Variants in GRIN2B observed in about 807,000 individuals in gnomAD.
The protein encoded by GRIN2B is glutamate ionotropic receptor NMDA type subunit 2B, also known as glutamate receptor ionotropic, NMDA 2B.
Under a neutral mutation model 114.5 loss-of-function variants are expected in GRIN2B, and 5 were observed. The observed-to-expected ratio is 0.04, with a 90% CI of 0.02 to 0.09. The LOEUF is 0.09. Ranked by LOEUF, GRIN2B falls within the 10% of genes least tolerant of loss-of-function variation. The pLI is 1.00. For synonymous variants in GRIN2B, 787 were observed against 745.1 expected (o/e 1.06, Z -0.92); for missense variants, 1,108 against 1,943.5 (o/e 0.57, Z 8.08).
At chr12:13,794,484 C>G (rs563063114) in intron 3 of GRIN2B, among the ~76,000 whole-genome samples, 1 of 152,278 alleles carries the variant, frequency 6.6e-6, no homozygotes, top group South Asian at 2.1e-4. Flanking sequence ...ACTTCCATTA[C>G]TGTGAACCAC....
chr12:13,864,252 C>T lies in GRIN2B; in HGVS notation c.411+1546G>A, dbSNP rs894948705. Among the ~76,000 whole-genome samples the T allele has an allele frequency of 2.0e-5, 3 of 152,336 alleles. No homozygotes were observed. The East Asian group carries it at 5.8e-4, about 29-fold the overall frequency. Reference sequence around the variant, plus strand: ...GGGAAGCTCTGAAGCAGAAGCTAGTCATCTCTGCCTGCTGCCGACAGGTGG... The same window carrying T: ...GGGAAGCTCTGAAGCAGAAGCTAGTTATCTCTGCCTGCTGCCGACAGGTGG... On this transcript the variant is annotated intron_variant, in intron 3 of 13. Coordinates refer to ENST00000609686, the MANE Select transcript of GRIN2B (RefSeq NM_000834.5).
In GRIN2B at chr12:13,866,246, G is replaced by T. The variant is rs1865827333; in HGVS notation, c.-18-20C>A. The T allele has an allele frequency of 2.5e-6, 4 of 1,596,598 alleles. No homozygotes were observed. Among genetic ancestry groups the T allele is most frequent in the Non-Finnish European group, 3.4e-6 (4 of 1,176,476 alleles). ...GACTCCCTGCAAACACAAAGAAAGA[G>T]CATGTTAAAATAGGATCTACATCAC... On this transcript the variant is annotated intron_variant, in intron 2 of 13. Coordinates refer to ENST00000609686, the MANE Select transcript of GRIN2B (RefSeq NM_000834.5).
chr12:13,789,073 TTG>T (rs1212519784), intron 3 of GRIN2B, among the ~76,000 whole-genome samples: 3 of 109,546 alleles, frequency 2.7e-5, no homozygotes, highest in Non-Finnish European at 6.7e-5. Flanking sequence ...GTCCTGGTTG[TTG>T]TTTTTTTTCC....
rs67570541 is a variant in GRIN2B, at chr12:13,694,656, CATATATATATATATATATATAT to C, written c.1011-18819_1011-18798del. ...CCCAGTCTATTGTGCAAGAAAATGT[CATATATATATATATATATATAT>C]ATATATATATATATATATATATATA... On this transcript the variant is annotated intron_variant, in intron 4 of 13. Transcript: ENST00000609686. Among the ~76,000 whole-genome samples, 144 of 71,342 alleles carry C rather than the reference CATATATATATATATATATATAT, an allele frequency of 2.0e-3. 3 individuals are homozygous for C. Among genetic ancestry groups the C allele is most frequent in the Admixed American group, 5.5e-3 (33 of 5,946 alleles). The allele number at this position is 71,342 out of a possible 152,430, so 46.8% of individuals were successfully genotyped here. A position where few individuals can be genotyped will look rare whatever the true frequency, so the allele number is the denominator to read the frequency against.
chr12:13,938,748 A>G (rs1030767392), intron 2 of GRIN2B, among the ~76,000 whole-genome samples: 1 of 152,204 alleles, frequency 6.6e-6, no homozygotes, highest in African/African-American at 2.4e-5. Context: ...AACTGACTGC[A>G]AAAGGGCACA....
rs1948228658 is a variant in GRIN2B at position 13,537,638 on chromosome 12, T to A, written c.*25145A>T. 6.6e-6 allele frequency: 1 copy of A among 152,186 alleles called. No homozygotes were observed. The highest frequency in any genetic ancestry group is 2.1e-4 in the South Asian group (1 of 4,836). 9.4% of individuals were successfully genotyped at this position (152,186 alleles called of 1,614,324 possible). On this transcript the variant is annotated 3_prime_UTR_variant, in exon 14 of 14. Transcript: ENST00000609686. ...AAATAGGAGGCCCGCTTTCCCCAGATGCACATACATAGTGGTTCACATTCT... is the reference window on the plus strand; with the variant it reads ...AAATAGGAGGCCCGCTTTCCCCAGAAGCACATACATAGTGGTTCACATTCT...
chr12:13,779,844 A>T (rs1864074677), intron 3 of GRIN2B, among the ~76,000 whole-genome samples: 3 of 152,176 alleles, frequency 2.0e-5, no homozygotes, highest in Admixed American at 2.0e-4. Flanking sequence ...CAGTTGCCCC[A>T]TCTGTCAAAC....
At chr12:13,693,083 G>A (rs1950229112) in intron 4 of GRIN2B, among the ~76,000 whole-genome samples, 1 of 152,016 alleles carries the variant, frequency 6.6e-6, no homozygotes, top group African/African-American at 2.4e-5. Context: ...TCTTTCTTAA[G>A]TATACATATA....
At chr12:13,839,898 A>T (rs925322122) in intron 3 of GRIN2B, among the ~76,000 whole-genome samples, 1 of 152,088 alleles carries the variant, frequency 6.6e-6, no homozygotes, top group Non-Finnish European at 1.5e-5. Context: ...TTCAATGGAC[A>T]TAAAAAAATC....
At chr12:13,783,098 A>C (rs559658560) in intron 3 of GRIN2B, among the ~76,000 whole-genome samples, 1 of 152,334 alleles carries the variant, frequency 6.6e-6, no homozygotes, top group East Asian at 1.9e-4. Context: ...GTCAAATTTA[A>C]ATAATATAAA....
At chr12:13,739,223 A>C (rs1201582537) in intron 4 of GRIN2B, among the ~76,000 whole-genome samples, 1 of 151,990 alleles carries the variant, frequency 6.6e-6, no homozygotes. Flanking sequence ...TCTACTAAAA[A>C]TACAAAATTA....
chr12:13,723,869 G>A (rs906114018), intron 4 of GRIN2B, among the ~76,000 whole-genome samples: 1 of 53,664 alleles, frequency 1.9e-5, no homozygotes, highest in African/African-American at 1.0e-4. Context: ...AAATCCTGCT[G>A]AAAATCAGAT....
At chr12:13,899,583 T>A (rs1206221998) in intron 2 of GRIN2B, among the ~76,000 whole-genome samples, 1 of 143,746 alleles carries the variant, frequency 7.0e-6, no homozygotes, top group African/African-American at 2.4e-5. Context: ...AAGGAACACA[T>A]TAACATTAAA....
chr12:13,804,028 C>T (rs73055615), intron 3 of GRIN2B, among the ~76,000 whole-genome samples: 16,937 of 152,178 alleles, frequency 0.11, 1,239 homozygotes, highest in Middle Eastern at 0.16. Context: ...TACCCATTTT[C>T]GTCTTTCTCT....
At chr12:13,967,284 A>G (rs1366794905) in intron 2 of GRIN2B, among the ~76,000 whole-genome samples, 1 of 152,202 alleles carries the variant, frequency 6.6e-6, no homozygotes, top group Non-Finnish European at 1.5e-5. Context: ...TCTCTTCATT[A>G]TGTAGAACCA....
intron 2 of GRIN2B, among the ~76,000 whole-genome samples, chr12:13,898,006 A>G (rs919555063): frequency 6.7e-5 from 10 of 149,942 alleles, no homozygotes; most frequent in Non-Finnish European, 1.2e-4. Flanking sequence ...ATAAATAAAT[A>G]AATAAATAAA....
intron 2 of GRIN2B, among the ~76,000 whole-genome samples, chr12:13,963,431 G>C (rs1867733038): frequency 6.6e-6 from 1 of 152,148 alleles, no homozygotes; most frequent in Non-Finnish European, 1.5e-5. Flanking sequence ...ATTTATGTAA[G>C]AAAAACAAAA....
chr12:13,543,811 C>T lies in GRIN2B; in HGVS notation c.*18972G>A, dbSNP rs1004320706. 1 of 152,116 alleles carries T rather than the reference C, an allele frequency of 6.6e-6. No individual in the cohort carries two copies. Among genetic ancestry groups the T allele is most frequent in the African/African-American group, 2.4e-5 (1 of 41,412 alleles). 9.4% of individuals were successfully genotyped at this position (152,116 alleles called of 1,614,324 possible). ...CTAAAAATCAATCAGAAAAAGCATA[C>T]TCCCATTATCCCATTTACCAGCCCA... On this transcript the variant is annotated 3_prime_UTR_variant, in exon 14 of 14. Transcript: ENST00000609686.
At chr12:13,815,977 T>C (rs1223837179) in intron 3 of GRIN2B, among the ~76,000 whole-genome samples, 3 of 151,682 alleles carry the variant, frequency 2.0e-5, no homozygotes, top group Non-Finnish European at 4.4e-5. Flanking sequence ...ACACACACAC[T>C]CCCTGCAGTT....
Sources: gnomAD v4.1 joint callset for allele counts (sites outside exome capture counted in the v4.1 genomes callset) on GRCh38, gnomAD v4.1.1 for gene constraint, MANE v1.5 for transcripts, NCBI Gene and HGNC (gene_info 2026-07-23, HGNC 2026-07-21) for gene names.